CEP63: variants seen among roughly 807,000 people sequenced by gnomAD.
CEP63 encodes the protein centrosomal protein 63.
CEP63 carries 84 observed loss-of-function variants against 89.1 expected under a neutral mutation model. The observed-to-expected ratio is 0.94, with a 90% CI of 0.79 to 1.13. The LOEUF is 1.13. CEP63 is among the 50% of genes most tolerant of loss of function. CEP63 has a pLI of 0.00. For missense variants in CEP63, 838 were observed against 813.3 expected (o/e 1.03, Z -0.37); for synonymous variants, 267 against 272.5 (o/e 0.98, Z 0.20).
At chr3:134,607,708 C>G in the CEP63 span, 9 of 985,808 alleles carry the variant, frequency 9.1e-6, no homozygotes, top group Non-Finnish European at 1.1e-5. Flanking sequence ...TCAGAGTGTG[C>G]AAACATACTC....
Position 134,507,111 on chromosome 3 carries a change from G to C in CEP63, c.47G>C (p.Gly16Ala). The change falls in exon 3 of 15, where the codon GGA becomes GCA. Residue 16 changes from glycine (G) to alanine (A), a missense_variant and splice_region_variant. Transcript: ENST00000675561. ...EGIQNRGHGG[G>A]FLTSCEAELQ... ...TAATGATCTGTTCTTCTTTATAGGG[G>C]ATTTTTGACATCTTGTGAAGCAGAA... 6.2e-7 allele frequency: 1 copy of C among 1,612,506 alleles called. No individual in the cohort carries two copies. The highest frequency in any genetic ancestry group is 8.5e-7 in the Non-Finnish European group (1 of 1,179,096).
At chr3:134,597,520 C>T in the CEP63 span, among the ~76,000 whole-genome samples, 1 of 152,194 alleles carries the variant, frequency 6.6e-6, no homozygotes, top group African/African-American at 2.4e-5. Flanking sequence ...TGATTCTCTG[C>T]AAGGAGTGCA....
At chr3:134,772,500 C>T in the CEP63 span, among the ~76,000 whole-genome samples, 1 of 152,144 alleles carries the variant, frequency 6.6e-6, no homozygotes, top group Admixed American at 6.5e-5. Context: ...CTCCCCTCCC[C>T]TCTTCCCCTC....
At chr3:134,557,192 C>T (rs2110066866) in intron 12 of CEP63, among the ~76,000 whole-genome samples, 1 of 152,098 alleles carries the variant, frequency 6.6e-6, no homozygotes, top group South Asian at 2.1e-4. Context: ...TTCATTTTAA[C>T]TCGTATGTCC....
At chr3:134,657,889 TTTTTA>T in the CEP63 span, among the ~76,000 whole-genome samples, 5 of 152,182 alleles carry the variant, frequency 3.3e-5, no homozygotes, top group Admixed American at 1.3e-4. Context: ...TAACCTTTTC[TTTTTA>T]TTTTATTTAT....
At chr3:134,646,122 A>T in the CEP63 span, among the ~76,000 whole-genome samples, 21 of 152,156 alleles carry the variant, frequency 1.4e-4, no homozygotes, top group Non-Finnish European at 2.1e-4. Context: ...CATGCCCTGC[A>T]TGGCCATTTC....
chr3:134,705,272 T>C, the CEP63 span, among the ~76,000 whole-genome samples: 140,996 of 152,186 alleles, frequency 0.93, 65,650 homozygotes, highest in East Asian at 1. Context: ...TTGTGCTGTG[T>C]CATAACATGG....
the CEP63 span, chr3:134,639,949 CAAAAAAAAAAAAAAA>C: frequency 2.1e-5 from 1 of 46,666 alleles, no homozygotes; most frequent in Non-Finnish European, 3.6e-5. Flanking sequence ...CACCCTGTCT[CAAAAAAAAAAAAAAA>C]AAAAAAAAAA....
At chr3:134,675,717 G>A in the CEP63 span, among the ~76,000 whole-genome samples, 1 of 152,006 alleles carries the variant, frequency 6.6e-6, no homozygotes, top group African/African-American at 2.4e-5. Context: ...AATGGCCAAA[G>A]GCTTTGAATA....
At chr3:134,774,719 G>T in the CEP63 span, among the ~76,000 whole-genome samples, 1 of 152,126 alleles carries the variant, frequency 6.6e-6, no homozygotes, top group African/African-American at 2.4e-5. Flanking sequence ...GGGTCAGTAT[G>T]GCATCGAATA....
At chr3:134,585,594 G>T (rs545936076) in intron 10 of CEP63, among the ~76,000 whole-genome samples, 7 of 152,302 alleles carry the variant, frequency 4.6e-5, no homozygotes, top group Middle Eastern at 3.4e-3. Flanking sequence ...CATTTGCTGA[G>T]GAGTGCTTTA....
At chr3:134,723,348 G>C in the CEP63 span, among the ~76,000 whole-genome samples, 2 of 152,176 alleles carry the variant, frequency 1.3e-5, no homozygotes, top group Non-Finnish European at 2.9e-5. Flanking sequence ...TCTGTTTACT[G>C]TCTTGTACCC....
intron 10 of CEP63, among the ~76,000 whole-genome samples, chr3:134,549,384 A>G (rs574748429): frequency 7.9e-5 from 12 of 152,202 alleles, no homozygotes; most frequent in Non-Finnish European, 1.6e-4. Context: ...AAATATTTTT[A>G]AGATAATTGA....
the CEP63 span, among the ~76,000 whole-genome samples, chr3:134,634,532 T>A: frequency 0.97 from 148,489 of 152,320 alleles, 72,489 homozygotes; most frequent in East Asian, 1. Context: ...AAAAGAGATT[T>A]TGGATGGAAA....
the CEP63 span, among the ~76,000 whole-genome samples, chr3:134,602,300 A>G: frequency 6.6e-6 from 1 of 152,018 alleles, no homozygotes; most frequent in African/African-American, 2.4e-5. Flanking sequence ...TGCCATGGCA[A>G]CGGCAGCCTG....
the CEP63 span, among the ~76,000 whole-genome samples, chr3:134,765,890 C>T: frequency 6.6e-6 from 1 of 152,156 alleles, no homozygotes; most frequent in Non-Finnish European, 1.5e-5. Context: ...AAAAGACATA[C>T]TGGGGCATCT....
Position 134,531,864 on chromosome 3 carries a change from AG to A in CEP63, c.244del (p.Val82Ter). 1 of 1,613,432 alleles carries A rather than the reference AG, an allele frequency of 6.2e-7. No individual in the cohort carries two copies. Among genetic ancestry groups the A allele is most frequent in the Non-Finnish European group, 8.5e-7 (1 of 1,179,524 alleles). On this transcript the variant is annotated frameshift_variant, in exon 4 of 15. Coordinates refer to ENST00000675561, the MANE Select transcript of CEP63 (RefSeq NM_001353108.3). LOFTEE classifies it high-confidence loss of function. ...THKEVGMLHQ[Q>X]VEEHEKIKQE... is the part of the protein sequence containing the mutation. ...TTTTAGGTTGGAATGTTGCATCAGC[AG>A]GTAGAAGAACATGAAAAAATCAAGC...
intron 9 of CEP63, 98 bp from the exon 10 acceptor site, chr3:134,548,964 T>G: frequency 6.7e-6 from 5 of 744,722 alleles, no homozygotes; most frequent in Non-Finnish European, 1.2e-5. Context: ...AGATATTGGC[T>G]GGATATTTTT....
At chr3:134,736,536 T>C in the CEP63 span, among the ~76,000 whole-genome samples, 11 of 152,208 alleles carry the variant, frequency 7.2e-5, no homozygotes, top group South Asian at 2.1e-3. Flanking sequence ...AAATGCAATT[T>C]AAAAAATACA....
Sources: gnomAD v4.1 joint callset for allele counts (sites outside exome capture counted in the v4.1 genomes callset) on GRCh38, gnomAD v4.1.1 for gene constraint, MANE v1.5 for transcripts, NCBI Gene and HGNC (gene_info 2026-07-23, HGNC 2026-07-21) for gene names.